Variants in DPP6 observed in about 807,000 individuals in gnomAD.
DPP6 encodes the protein dipeptidyl peptidase like 6.
In DPP6, 69 loss-of-function variants were observed where a neutral mutation model predicts 122.6. The ratio of observed to expected loss-of-function variants is 0.56; its 90% CI spans 0.46 to 0.69. DPP6 has a LOEUF of 0.69. DPP6 is among the 30% of genes least tolerant of loss of function. The pLI is 0.00. For missense variants in DPP6, 928 were observed against 1,116.9 expected, an observed-to-expected ratio of 0.83 and a Z score of 2.41; for synonymous variants, 418 against 433.1, an observed-to-expected ratio of 0.97 and a Z score of 0.43.
At chr7:154,199,055 C>T (rs1012627008) in intron 1 of DPP6, among the ~76,000 whole-genome samples, 1 of 150,574 alleles carries the variant, frequency 6.6e-6, no homozygotes, top group Non-Finnish European at 1.5e-5. Flanking sequence ...AATGTGGGGA[C>T]ACCTGGCAGG....
At chr7:153,788,275 TC>T in the DPP6 span, among the ~76,000 whole-genome samples, 5 of 152,324 alleles carry the variant, frequency 3.3e-5, no homozygotes, top group Admixed American at 3.3e-4. Flanking sequence ...GAGGCACAGA[TC>T]CACTGGCCTT....
At chr7:154,184,802 G>A (rs1554485679) in intron 1 of DPP6, among the ~76,000 whole-genome samples, 1 of 152,136 alleles carries the variant, frequency 6.6e-6, no homozygotes, top group Non-Finnish European at 1.5e-5. Context: ...CTAAATGTTG[G>A]GAATCTAATT....
At chr7:154,692,807 G>T (rs1370036097) in intron 7 of DPP6, among the ~76,000 whole-genome samples, 2 of 147,084 alleles carry the variant, frequency 1.4e-5, no homozygotes, top group African/African-American at 5.0e-5. Context: ...TTTGAGACAG[G>T]GTCTCACTCT....
At chr7:154,758,858 A>G (rs767294079) in intron 8 of DPP6, among the ~76,000 whole-genome samples, 8 of 152,228 alleles carry the variant, frequency 5.3e-5, no homozygotes, top group Non-Finnish European at 1.0e-4. Flanking sequence ...AAGGCAGCCC[A>G]GAGAGGTGGG....
At chr7:153,955,507 C>G (rs6945130) in intron 1 of DPP6, among the ~76,000 whole-genome samples, 4 of 152,022 alleles carry the variant, frequency 2.6e-5, no homozygotes, top group Non-Finnish European at 5.9e-5. Context: ...GGTGCAATCT[C>G]GGCTCACTGC....
chr7:154,862,234 T>C (rs943766957), intron 17 of DPP6, among the ~76,000 whole-genome samples: 33 of 152,128 alleles, frequency 2.2e-4, no homozygotes, highest in African/African-American at 8.0e-4. Context: ...TGTCAGGCCA[T>C]GATGAAAGAG....
At chr7:153,918,567 T>TCACACACACACACA (rs1563006184) in intron 1 of DPP6, among the ~76,000 whole-genome samples, 14 of 46,130 alleles carry the variant, frequency 3.0e-4, no homozygotes, top group South Asian at 1.5e-3. Context: ...ACACACACAG[T>TCACACACACACACA]CTCTCTCTCT....
intron 6 of DPP6, among the ~76,000 whole-genome samples, chr7:154,658,363 A>G (rs562269425): frequency 2.0e-5 from 3 of 152,290 alleles, no homozygotes; most frequent in South Asian, 4.1e-4. Flanking sequence ...CTTATTAATT[A>G]AAAATAGTAA....
intron 3 of DPP6, among the ~76,000 whole-genome samples, chr7:154,523,801 A>G (rs1347504282): frequency 2.0e-5 from 3 of 152,186 alleles, no homozygotes; most frequent in Non-Finnish European, 4.4e-5. Flanking sequence ...TACTTGTCCC[A>G]TGATTGGTGA....
At chr7:154,729,516 T>G (rs1016974177) in intron 8 of DPP6, among the ~76,000 whole-genome samples, 2 of 152,178 alleles carry the variant, frequency 1.3e-5, no homozygotes, top group African/African-American at 4.8e-5. Flanking sequence ...GAAGGACAGT[T>G]TGATGAGTTT....
At chr7:154,269,213 A>G (rs1435908881) in intron 1 of DPP6, among the ~76,000 whole-genome samples, 1 of 152,158 alleles carries the variant, frequency 6.6e-6, no homozygotes, top group Non-Finnish European at 1.5e-5. Flanking sequence ...ACCGAAGATC[A>G]AAGAATTGAA....
chr7:154,794,191 G>C lies in DPP6; in HGVS notation c.1249G>C (p.Val417Leu). 6.2e-7 allele frequency: 1 copy of C among 1,610,186 alleles called. No individual in the cohort carries two copies. The highest frequency in any genetic ancestry group is 8.5e-7 in the Non-Finnish European group (1 of 1,178,034). Residue 417 changes from valine to leucine, a missense_variant, in exon 11 of 26, where the codon GTC (valine) becomes CTC (leucine). By Grantham distance (32) the Val-to-Leu change is conservative. Transcript: ENST00000377770. ...ILTLCDATTG[V>L]CTKKHEDESE... ...CACCCTCTGCGACGCCACCACGGGG[G>C]TCTGCACGAAGGTACGCGGGGCTGT... is the stretch of plus-strand genomic sequence containing the variant.
At chr7:154,671,010 C>T (rs1228681960) in intron 7 of DPP6, among the ~76,000 whole-genome samples, 1 of 152,130 alleles carries the variant, frequency 6.6e-6, no homozygotes, top group East Asian at 1.9e-4. Context: ...GAGAGCTGAC[C>T]TTGACCGAGG....
intron 1 of DPP6, among the ~76,000 whole-genome samples, chr7:154,220,271 T>C (rs906448225): frequency 1.3e-5 from 2 of 152,152 alleles, no homozygotes; most frequent in East Asian, 1.9e-4. Flanking sequence ...GCTCTTCCAT[T>C]CCTTCTGTCA....
chr7:153,979,572 C>T (rs1252659963), intron 1 of DPP6, among the ~76,000 whole-genome samples: 1 of 152,180 alleles, frequency 6.6e-6, no homozygotes, highest in Non-Finnish European at 1.5e-5. Context: ...CAAGAACTCC[C>T]AATACTATGT....
chr7:153,770,343 C>T, the DPP6 span, among the ~76,000 whole-genome samples: 2 of 152,106 alleles, frequency 1.3e-5, no homozygotes, highest in Non-Finnish European at 2.9e-5. Context: ...ACTCCCAAGA[C>T]CAAAGAACAT....
intron 1 of DPP6, among the ~76,000 whole-genome samples, chr7:154,109,490 C>G (rs1255210361): frequency 6.6e-6 from 1 of 152,016 alleles, no homozygotes; most frequent in African/African-American, 2.4e-5. Flanking sequence ...TAGGGTTTCA[C>G]CATGTTGGCC....
At chr7:154,290,418 C>T (rs963507989) in intron 1 of DPP6, among the ~76,000 whole-genome samples, 11 of 152,066 alleles carry the variant, frequency 7.2e-5, no homozygotes, top group Admixed American at 1.3e-4. Context: ...TTTGCAGAGT[C>T]GATTTTTTCC....
chr7:154,029,955 G>A (rs1195589269), intron 1 of DPP6, among the ~76,000 whole-genome samples: 1 of 152,188 alleles, frequency 6.6e-6, no homozygotes, highest in Non-Finnish European at 1.5e-5. Flanking sequence ...CAGCACTTTG[G>A]GAAGCTGAGG....
Sources: gnomAD v4.1 joint callset for allele counts (sites outside exome capture counted in the v4.1 genomes callset) on GRCh38, gnomAD v4.1.1 for gene constraint, MANE v1.5 for transcripts, NCBI Gene and HGNC (gene_info 2026-07-23, HGNC 2026-07-21) for gene names.